The following PARD3B variants were observed in gnomAD, a reference collection of about 807,000 sequenced individuals.
The protein encoded by PARD3B is partitioning defective 3 homolog B.
PARD3B carries 103 observed loss-of-function variants against 130.2 expected under a neutral mutation model. That is an observed-to-expected ratio of 0.79 (90% confidence interval 0.67 to 0.93). PARD3B has a LOEUF of 0.93. Ranked by LOEUF, PARD3B falls within the 40% of genes least tolerant of loss-of-function variation. The pLI is 0.00. For synonymous variants in PARD3B, 583 were observed against 553.2 expected (o/e 1.05, Z -0.76); for missense variants, 1,609 against 1,499.2 (o/e 1.07, Z -1.21).
chr2:204,613,004 TA>T (rs2033984975), intron 1 of PARD3B, among the ~76,000 whole-genome samples: 1 of 152,154 alleles, frequency 6.6e-6, no homozygotes, highest in South Asian at 2.1e-4. Flanking sequence ...AGTATGATGA[TA>T]AAATATTGTT....
intron 2 of PARD3B, among the ~76,000 whole-genome samples, chr2:204,718,888 A>G (rs1453420153): frequency 6.6e-6 from 1 of 152,220 alleles, no homozygotes; most frequent in African/African-American, 2.4e-5. Context: ...AAAATGAGTC[A>G]GGTAATAACA....
rs957446181 is a variant in PARD3B at position 204,707,896 on chromosome 2, T to C, written c.222+21614T>C. On this transcript the variant is annotated intron_variant, in intron 2 of 22. Transcript: ENST00000406610. ...CCTTGAAAATATTCCCTACTGAAGA[T>C]TGTGGAGCTCTACCCAGAGGCGGCC... Among the ~76,000 whole-genome samples the C allele has an allele frequency of 7.2e-5, 11 of 152,140 alleles. No homozygotes were observed. In the South Asian group the frequency reaches 1.2e-3, roughly 17 times the overall value.
intron 2 of PARD3B, among the ~76,000 whole-genome samples, chr2:204,782,696 G>A (rs1024661165): frequency 6.6e-5 from 10 of 151,798 alleles, no homozygotes; most frequent in African/African-American, 2.4e-4. Flanking sequence ...TTCAGTGCAA[G>A]TAAAGCTATT....
intron 2 of PARD3B, among the ~76,000 whole-genome samples, chr2:204,745,309 A>G (rs2040171124): frequency 6.6e-6 from 1 of 152,070 alleles, no homozygotes; most frequent in Non-Finnish European, 1.5e-5. Context: ...ATAATAGCTA[A>G]CTTTCTAGGA....
chr2:205,554,357 C>T (rs2052786593), intron 22 of PARD3B, among the ~76,000 whole-genome samples: 1 of 152,080 alleles, frequency 6.6e-6, no homozygotes, highest in South Asian at 2.1e-4. Context: ...AAAACAAACA[C>T]CCTGAACATT....
At chr2:204,775,755 G>A (rs1408769507) in intron 2 of PARD3B, among the ~76,000 whole-genome samples, 1 of 152,102 alleles carries the variant, frequency 6.6e-6, no homozygotes, top group Non-Finnish European at 1.5e-5. Flanking sequence ...TTATTTCTTA[G>A]GGCTTCAGTT....
chr2:205,574,944 G>T (rs1031028995), intron 22 of PARD3B, among the ~76,000 whole-genome samples: 1 of 151,086 alleles, frequency 6.6e-6, no homozygotes, highest in Non-Finnish European at 1.5e-5. Flanking sequence ...GGCTTCATCT[G>T]TCCTCCACAG....
intron 2 of PARD3B, among the ~76,000 whole-genome samples, chr2:204,918,866 T>A (rs1229820616): frequency 6.6e-6 from 1 of 151,972 alleles, no homozygotes; most frequent in Non-Finnish European, 1.5e-5. Flanking sequence ...TCGTCTGTGT[T>A]TCTGGTGATT....
Position 205,440,469 on chromosome 2 carries a change from T to C in PARD3B, c.2841T>C (p.Asp947=). ...GATCAGTGTATGATATGGATGATGA[T>C]GAAATGGACCCCAATTATGCCAGAG... The part of the protein sequence containing the change: ...AIGSVYDMDD[D]EMDPNYARVN... Residue 947 remains aspartate, a synonymous_variant, in exon 20 of 23, where the codon GAT becomes GAC. Transcript: ENST00000406610. The surrounding 1 kb of genome is among the most constrained non-coding windows in gnomAD (Gnocchi z 4.2). 1 of 1,614,118 alleles carries C rather than the reference T, an allele frequency of 6.2e-7. No homozygotes were observed. Among genetic ancestry groups the C allele is most frequent in the Non-Finnish European group, 8.5e-7 (1 of 1,180,000 alleles).
chr2:204,857,281 A>C (rs900561195), intron 2 of PARD3B, among the ~76,000 whole-genome samples: 29 of 152,154 alleles, frequency 1.9e-4, no homozygotes, highest in African/African-American at 7.0e-4. Context: ...ATTTTAGGGG[A>C]GAGCCTTCAT....
chr2:204,554,902 T>C (rs2030810063), intron 1 of PARD3B, among the ~76,000 whole-genome samples: 1 of 152,178 alleles, frequency 6.6e-6, no homozygotes, highest in South Asian at 2.1e-4. Flanking sequence ...AAAGTTAGAT[T>C]TGTGGAGGGC....
chr2:204,607,932 C>G (rs1395478242), intron 1 of PARD3B, among the ~76,000 whole-genome samples: 1 of 152,102 alleles, frequency 6.6e-6, no homozygotes, highest in Non-Finnish European at 1.5e-5. Flanking sequence ...GACTTGGACC[C>G]CTTTGACAAT....
intron 3 of PARD3B, among the ~76,000 whole-genome samples, chr2:205,034,970 C>T (rs1697700827): frequency 6.6e-6 from 1 of 152,164 alleles, no homozygotes; most frequent in African/African-American, 2.4e-5. Context: ...GATCCTCCTG[C>T]CTCATCCTCC....
chr2:204,603,053 T>C (rs373238267), intron 1 of PARD3B, among the ~76,000 whole-genome samples: 2 of 152,194 alleles, frequency 1.3e-5, no homozygotes, highest in African/African-American at 4.8e-5. Context: ...TAGGTGATAA[T>C]ATCCTATGAA....
At chr2:204,837,154 A>G (rs918800203) in intron 2 of PARD3B, among the ~76,000 whole-genome samples, 1 of 152,160 alleles carries the variant, frequency 6.6e-6, no homozygotes. Context: ...TGCAACATAC[A>G]TTCTAGTAAT....
chr2:204,900,172 CTGT>C (rs1009744445), intron 2 of PARD3B, among the ~76,000 whole-genome samples: 21 of 152,102 alleles, frequency 1.4e-4, no homozygotes, highest in African/African-American at 4.3e-4. Flanking sequence ...GGGAAATTCT[CTGT>C]TGGTTTCACT....
chr2:204,706,352 G>A (rs1297949182), intron 2 of PARD3B, among the ~76,000 whole-genome samples: 1 of 149,700 alleles, frequency 6.7e-6, no homozygotes, highest in East Asian at 2.0e-4. Flanking sequence ...GGGCGACAGA[G>A]TGAGACTCTG....
chr2:205,182,272 A>G (rs1292014465), intron 13 of PARD3B, among the ~76,000 whole-genome samples: 1 of 151,954 alleles, frequency 6.6e-6, no homozygotes, highest in Non-Finnish European at 1.5e-5. Flanking sequence ...AGCCTGGGTG[A>G]CAGAGTGAGA....
At chr2:205,222,622 C>A (rs2038302698) in intron 15 of PARD3B, among the ~76,000 whole-genome samples, 1 of 152,100 alleles carries the variant, frequency 6.6e-6, no homozygotes, top group African/African-American at 2.4e-5. Context: ...TGTTTTCCAT[C>A]AGTTAATAGT....
Sources: allele counts gnomAD v4.1 joint callset (sites outside exome capture counted in the v4.1 genomes callset), GRCh38; gene constraint gnomAD v4.1.1; non-coding constraint Gnocchi (gnomAD v3.1); transcripts MANE v1.5; gene names NCBI Gene and HGNC (gene_info 2026-07-23, HGNC 2026-07-21).